Variants in DCC observed in about 807,000 individuals in gnomAD.
DCC encodes netrin receptor DCC.
A neutral mutation model predicts 172.5 loss-of-function variants in DCC; 58 were observed. The observed-to-expected ratio is 0.34, with a 90% CI of 0.27 to 0.42. The LOEUF (loss-of-function observed/expected upper bound fraction) is 0.42, where lower values mean the gene tolerates loss of function less well. Among genes scored for constraint, DCC ranks in the 10% least tolerant of loss-of-function variants. The probability of loss-of-function intolerance (pLI) is 1.00; values close to 1 mark genes in which losing one functional copy is unlikely to be tolerated. For synonymous variants in DCC, 709 were observed against 644.5 expected (o/e 1.10, Z -1.52); for missense variants, 1,740 against 1,791.0 (o/e 0.97, Z 0.51).
At chr18:53,034,956 C>G (rs371048240) in intron 5 of DCC, among the ~76,000 whole-genome samples, 1 of 152,096 alleles carries the variant, frequency 6.6e-6, no homozygotes, top group Non-Finnish European at 1.5e-5. Context: ...GCTAGTCCTT[C>G]CCACTTTCCT....
intron 5 of DCC, among the ~76,000 whole-genome samples, chr18:52,937,755 A>G (rs565285975): frequency 2.0e-3 from 306 of 152,230 alleles, no homozygotes; most frequent in African/African-American, 7.2e-3. Context: ...TGCTGGGATT[A>G]CAGGCATGAG....
intron 1 of DCC, among the ~76,000 whole-genome samples, chr18:52,370,314 C>T (rs1985060265): frequency 6.6e-6 from 1 of 152,162 alleles, no homozygotes; most frequent in African/African-American, 2.4e-5. Flanking sequence ...ATAGCAAAGA[C>T]ATGGAATCAA....
At chr18:53,418,994 A>G (rs1910477581) in intron 21 of DCC, among the ~76,000 whole-genome samples, 1 of 152,178 alleles carries the variant, frequency 6.6e-6, no homozygotes, top group Non-Finnish European at 1.5e-5. Context: ...TTATTTCTGT[A>G]GATTCTTCCA....
At chr18:53,146,409 G>T (rs528155199) in intron 7 of DCC, among the ~76,000 whole-genome samples, 20 of 152,280 alleles carry the variant, frequency 1.3e-4, no homozygotes, top group African/African-American at 4.8e-4. Flanking sequence ...GCAGGAAGTT[G>T]GTGTCCTCAC....
intron 11 of DCC, among the ~76,000 whole-genome samples, chr18:53,211,380 T>C (rs1382038201): frequency 6.6e-6 from 1 of 152,188 alleles, no homozygotes; most frequent in Non-Finnish European, 1.5e-5. Flanking sequence ...TGGAAACATG[T>C]TTCTTTTATT....
chr18:52,484,162 ACTTTTT>A (rs1175297049), intron 1 of DCC, among the ~76,000 whole-genome samples: 3 of 152,100 alleles, frequency 2.0e-5, no homozygotes, highest in Admixed American at 2.0e-4. Context: ...TGGCAATGGG[ACTTTTT>A]CTTTTTGTTT....
chr18:53,116,664 A>T (rs572903489), intron 7 of DCC, among the ~76,000 whole-genome samples: 1 of 151,874 alleles, frequency 6.6e-6, no homozygotes, highest in African/African-American at 2.4e-5. Flanking sequence ...ATTATTAAAA[A>T]TGATTTGTAG....
At chr18:53,398,696 A>G (rs960201023) in intron 18 of DCC, among the ~76,000 whole-genome samples, 1 of 152,144 alleles carries the variant, frequency 6.6e-6, no homozygotes, top group African/African-American at 2.4e-5. Flanking sequence ...TAAAATGCAC[A>G]CCAACATCTG....
chr18:52,854,710 T>C (rs1201431401), intron 2 of DCC, among the ~76,000 whole-genome samples: 1 of 152,182 alleles, frequency 6.6e-6, no homozygotes, highest in East Asian at 1.9e-4. Context: ...CACTTGCTTG[T>C]ACAGAAGTTG....
At chr18:53,039,935 G>A (rs141265110) in intron 5 of DCC, among the ~76,000 whole-genome samples, 1 of 151,950 alleles carries the variant, frequency 6.6e-6, no homozygotes, top group Non-Finnish European at 1.5e-5. Context: ...CTGTGCAGCT[G>A]CAGTGCCCAA....
At chr18:53,464,182 A>C (rs2045591269) in intron 24 of DCC, among the ~76,000 whole-genome samples, 1 of 152,232 alleles carries the variant, frequency 6.6e-6, no homozygotes, top group Non-Finnish European at 1.5e-5. Context: ...TAGGACTTAC[A>C]AATAGAATTT....
chr18:53,087,696 G>A (rs984157698), intron 7 of DCC, among the ~76,000 whole-genome samples: 75 of 151,812 alleles, frequency 4.9e-4, no homozygotes, highest in African/African-American at 1.6e-3. Flanking sequence ...GTCCTGAATG[G>A]TAATGCCTAG....
chr18:52,520,060 C>A (rs1144056), intron 1 of DCC, among the ~76,000 whole-genome samples: 1 of 152,144 alleles, frequency 6.6e-6, no homozygotes, highest in Non-Finnish European at 1.5e-5. Flanking sequence ...ACATTAATTT[C>A]CCTTAATTTT....
rs959660121 is a variant in DCC at position 53,015,701 on chromosome 18, G to A, written c.986-47604G>A. Among the ~76,000 whole-genome samples the A allele has an allele frequency of 5.9e-5, 9 of 151,888 alleles. No homozygotes were observed. In the South Asian group the frequency reaches 1.2e-3, roughly 21 times the overall value. On this transcript the variant is annotated intron_variant, in intron 5 of 28. Coordinates refer to ENST00000442544, the MANE Select transcript of DCC (RefSeq NM_005215.4). ...CAACTCTTCGTCTACAATAGAGATC[G>A]ATAGACTTACTTTACCATATGATGA... is the stretch of plus-strand genomic sequence containing the variant.
chr18:53,382,069 AACACACACACACACACACACACACACAC>A (rs61553123), intron 15 of DCC, among the ~76,000 whole-genome samples: 1 of 122,856 alleles, frequency 8.1e-6, no homozygotes, highest in Non-Finnish European at 1.9e-5. Flanking sequence ...GATTAAAAAC[AACACACACACACACACACACACACACAC>A]ACACACACCC....
At chr18:52,535,829 C>T (rs2032272387) in intron 1 of DCC, among the ~76,000 whole-genome samples, 1 of 152,120 alleles carries the variant, frequency 6.6e-6, no homozygotes, top group African/African-American at 2.4e-5. Context: ...ACATAGATCT[C>T]TGCCCTTAAG....
intron 7 of DCC, among the ~76,000 whole-genome samples, chr18:53,135,295 A>G (rs1242902476): frequency 6.6e-6 from 1 of 152,142 alleles, no homozygotes; most frequent in Non-Finnish European, 1.5e-5. Context: ...TAAGCTCAAG[A>G]GATGGAGGTG....
intron 7 of DCC, among the ~76,000 whole-genome samples, chr18:53,119,035 C>T (rs999973764): frequency 6.6e-6 from 1 of 151,790 alleles, no homozygotes; most frequent in Non-Finnish European, 1.5e-5. Flanking sequence ...GTGCTCCCAC[C>T]TATTAGAAGT....
At chr18:52,474,484 T>C (rs1183098069) in intron 1 of DCC, among the ~76,000 whole-genome samples, 1 of 152,140 alleles carries the variant, frequency 6.6e-6, no homozygotes, top group Non-Finnish European at 1.5e-5. Flanking sequence ...AGTTGAAGGC[T>C]TCAAGCTTGA....
Sources: allele counts gnomAD v4.1 joint callset (sites outside exome capture counted in the v4.1 genomes callset), GRCh38; gene constraint gnomAD v4.1.1; transcripts MANE v1.5; gene names NCBI Gene and HGNC (gene_info 2026-07-23, HGNC 2026-07-21).